MDM4: variants seen among roughly 807,000 people sequenced by gnomAD.
MDM4 encodes the protein MDM4 regulator of p53.
A neutral mutation model predicts 60.2 loss-of-function variants in MDM4; 2 were observed. The observed-to-expected ratio is 0.03, with a 90% CI of 0.01 to 0.10. The LOEUF is 0.10. MDM4 is among the 10% of genes least tolerant of loss of function. MDM4 has a pLI of 1.00. For synonymous variants in MDM4, 202 were observed against 198.1 expected, an observed-to-expected ratio of 1.02 and a Z score of -0.17; for missense variants, 447 against 577.5, an observed-to-expected ratio of 0.77 and a Z score of 2.32.
chr1:204,528,839 G>C, intron 3 of MDM4: 1 of 1,526,658 alleles, frequency 6.6e-7, no homozygotes, highest in South Asian at 1.1e-5. Flanking sequence ...CCACAGATGG[G>C]TTGGGTCATA....
In MDM4 at chr1:204,554,577, G is replaced by C. The variant is rs1663424163; in HGVS notation, c.*4895G>C. The C allele has an allele frequency of 4.4e-6, 1 of 226,196 alleles. No homozygotes were observed. The highest frequency in any genetic ancestry group is 2.2e-5 in the African/African-American group (1 of 44,962). The allele number at this position is 226,196 out of a possible 1,614,324, so 14.0% of individuals were successfully genotyped here. On this transcript the variant is annotated 3_prime_UTR_variant, in exon 11 of 11. Transcript: ENST00000367182. ...TTTGCACTGCCATAGGGAATGTTAAGGTTACTTGGCTGGAATTTATCAGAC... is the reference window on the plus strand; with the variant it reads ...TTTGCACTGCCATAGGGAATGTTAACGTTACTTGGCTGGAATTTATCAGAC...
At chr1:204,539,963 ATG>A (rs1553324702) in intron 7 of MDM4, among the ~76,000 whole-genome samples, 1 of 151,972 alleles carries the variant, frequency 6.6e-6, no homozygotes, top group Non-Finnish European at 1.5e-5. Flanking sequence ...TCTTCAGGCT[ATG>A]TGTACAAGGT....
rs989922267 is a variant in MDM4, at chr1:204,546,363, G to A, written c.823-434G>A. 2.6e-5 allele frequency among the ~76,000 whole-genome samples: 4 copies of A among 152,118 alleles called. No homozygotes were observed. The East Asian group carries it at 7.7e-4, about 29-fold the overall frequency. On this transcript the variant is annotated intron_variant, in intron 9 of 10. Coordinates refer to ENST00000367182, the MANE Select transcript of MDM4 (RefSeq NM_002393.5). ...ACTACAGGCGTGCACCACCACACCT[G>A]GCTAATTTTTTTTATTTTTTGCAGA...
rs1662461170 is a variant in MDM4 at position 204,544,586 on chromosome 1, A to C, written c.724A>C (p.Asn242His). ...TACTACAGATGACTTGTGGTTTTTGAATGAGTCAGTATCAGAGCAGTTAGG... is the reference window on the plus strand; with the variant it reads ...TACTACAGATGACTTGTGGTTTTTGCATGAGTCAGTATCAGAGCAGTTAGG... ...SDTTDDLWFLNESVSEQLGVG... is the reference protein window; with the variant it reads ...SDTTDDLWFLHESVSEQLGVG... The change falls in exon 9 of 11, where the codon AAT becomes CAT. Residue 242 changes from asparagine to histidine, a missense_variant. This residue lies in a region of MDM4 where 184 missense variants were observed against 179.3 expected (regional missense o/e 1.03). Transcript: ENST00000367182. 7 of 1,613,676 alleles carry C rather than the reference A, an allele frequency of 4.3e-6. No individual in the cohort carries two copies. The highest frequency in any genetic ancestry group is 5.9e-6 in the Non-Finnish European group (7 of 1,179,754).
chr1:204,542,749 G>A, intron 7 of MDM4, 35 bp from the exon 8 acceptor site: 1 of 1,519,350 alleles, frequency 6.6e-7, no homozygotes, highest in Non-Finnish European at 9.1e-7. Context: ...TACGTATTGT[G>A]CATAGTTATC....
chr1:204,530,349 A>G (rs546966734), intron 3 of MDM4, among the ~76,000 whole-genome samples: 23 of 152,326 alleles, frequency 1.5e-4, no homozygotes, highest in Non-Finnish European at 1.9e-4. Flanking sequence ...AATCCAGGCA[A>G]ATTACTTCTA....
At chr1:204,547,290 G>A (rs1367111538) in intron 10 of MDM4, among the ~76,000 whole-genome samples, 1 of 152,180 alleles carries the variant, frequency 6.6e-6, no homozygotes, top group Non-Finnish European at 1.5e-5. Context: ...TTCTTAAAAA[G>A]AAGCAAATGG....
chr1:204,526,305 GT>G, intron 2 of MDM4, 54 bp from the exon 3 acceptor site: 2 of 1,470,866 alleles, frequency 1.4e-6, no homozygotes, highest in Admixed American at 3.5e-5. Context: ...TTGTTCCATA[GT>G]TTCAGAAACC....
intron 2 of MDM4, among the ~76,000 whole-genome samples, chr1:204,525,986 G>C (rs570051367): frequency 3.3e-5 from 5 of 152,108 alleles, no homozygotes; most frequent in Non-Finnish European, 7.3e-5. Flanking sequence ...TGGGCGAGGT[G>C]GGTCATGCCT....
chr1:204,532,117 AT>A (rs1660913867), intron 4 of MDM4, 73 bp from the exon 5 acceptor site: 3 of 875,180 alleles, frequency 3.4e-6, no homozygotes, highest in Non-Finnish European at 3.8e-6. Context: ...TACATTTAAT[AT>A]TTAACGGCAA....
intron 1 of MDM4, among the ~76,000 whole-genome samples, chr1:204,522,631 T>C (rs532911919): frequency 1.9e-4 from 29 of 152,008 alleles, no homozygotes; most frequent in Non-Finnish European, 3.1e-4. Flanking sequence ...CTTGACCTCA[T>C]GATCTGCCTG....
At position 204,555,480 on chromosome 1, in the gene MDM4, G is replaced by A. The variant is rs1490199822; in HGVS notation, c.*5798G>A. 1 of 167,796 alleles carries A rather than the reference G, an allele frequency of 6.0e-6. No homozygotes were observed. Among genetic ancestry groups the A allele is most frequent in the Non-Finnish European group, 1.3e-5 (1 of 76,854 alleles). The allele number at this position is 167,796 out of a possible 1,614,324, so 10.4% of individuals were successfully genotyped here. On this transcript the variant is annotated 3_prime_UTR_variant, in exon 11 of 11. Coordinates refer to ENST00000367182, the MANE Select transcript of MDM4 (RefSeq NM_002393.5). ...AACTCTCCATTTCTTAAGGTAAAGA[G>A]GGTCAAGGATACCTAAAAAGGGTCA...
chr1:204,525,646 T>G (rs749964083), intron 2 of MDM4, 50 bp downstream of exon 2: 5 of 1,265,734 alleles, frequency 4.0e-6, no homozygotes, highest in Middle Eastern at 1.9e-4. Flanking sequence ...TTTTTTTAAT[T>G]TTTAAAAAGT....
chr1:204,554,055 T>G lies in MDM4; in HGVS notation c.*4373T>G, dbSNP rs1164097017. On this transcript the variant is annotated 3_prime_UTR_variant, in exon 11 of 11. Transcript: ENST00000367182. Reference sequence around the variant, plus strand: ...TATGTAGTGCATTGTGTGGTATTATTTGGTTTGTAAGAATTTATTTTTAAG... The same window carrying G: ...TATGTAGTGCATTGTGTGGTATTATGTGGTTTGTAAGAATTTATTTTTAAG... The G allele has an allele frequency of 1.8e-5, 4 of 227,728 alleles. No individual in the cohort carries two copies. The highest frequency in any genetic ancestry group is 1.3e-3 in the Middle Eastern group (1 of 752). The allele number at this position is 227,728 out of a possible 1,614,324, so 14.1% of individuals were successfully genotyped here.
At position 204,525,536 on chromosome 1, in the gene MDM4, C is replaced by G. The variant is rs752177145; in HGVS notation, c.18C>G (p.Thr6=). Residue 6 remains threonine, a synonymous_variant, in exon 2 of 11, where the codon ACC becomes ACG. Transcript: ENST00000367182. MTSFS[T]SAQCSTSDSA... is the part of the protein sequence containing the mutation. ...CTACCAAAATGACATCATTTTCCAC[C>G]TCTGCTCAGTGTTCAACATCTGACA... 4 of 1,611,924 alleles carry G rather than the reference C, an allele frequency of 2.5e-6. No homozygotes were observed. The East Asian group carries it at 6.7e-5, about 27-fold the overall frequency.
In MDM4 at chr1:204,556,055, G is replaced by T; in HGVS notation, c.*6373G>T. 4.6e-6 allele frequency: 1 copy of T among 217,410 alleles called. No homozygotes were observed. Among genetic ancestry groups the T allele is most frequent in the Non-Finnish European group, 9.2e-6 (1 of 108,386 alleles). 13.5% of individuals were successfully genotyped at this position (217,410 alleles called of 1,614,324 possible). A position where few individuals can be genotyped will look rare whatever the true frequency, so the allele number is the denominator to read the frequency against. Reference sequence around the variant, plus strand: ...AAACAGCATTTTAAAGTAACTTTTTGGGAGACTGATTTGAGTAATAATAAA... The same window carrying T: ...AAACAGCATTTTAAAGTAACTTTTTTGGAGACTGATTTGAGTAATAATAAA... On this transcript the variant is annotated 3_prime_UTR_variant, in exon 11 of 11. Coordinates refer to ENST00000367182, the MANE Select transcript of MDM4 (RefSeq NM_002393.5).
rs1338680956 is a variant in MDM4 at position 204,525,489 on chromosome 1, C to T, written c.-30C>T. 2 of 1,582,618 alleles carry T rather than the reference C, an allele frequency of 1.3e-6. No homozygotes were observed. The highest frequency in any genetic ancestry group is 1.7e-6 in the Non-Finnish European group (2 of 1,171,660). On this transcript the variant is annotated 5_prime_UTR_variant, in exon 2 of 11. Transcript: ENST00000367182. ...AAATTTTTTTTTCTATTTAGTTTTA[C>T]CAACAGACTGCAGTTTCTTCACTAC...
At chr1:204,524,817 G>A in intron 1 of MDM4, among the ~76,000 whole-genome samples, 1 of 152,172 alleles carries the variant, frequency 6.6e-6, no homozygotes, top group East Asian at 1.9e-4. Context: ...CTTCTCTGTA[G>A]CTTTTGTTTT....
chr1:204,528,829 C>G (rs1374660316), intron 3 of MDM4: 1 of 1,499,270 alleles, frequency 6.7e-7, no homozygotes, highest in East Asian at 2.3e-5. Context: ...ACTCCACTCT[C>G]CACAGATGGG....
Sources: allele counts gnomAD v4.1 joint callset (sites outside exome capture counted in the v4.1 genomes callset), GRCh38; gene constraint gnomAD v4.1.1; regional missense constraint gnomAD v4.1.1; transcripts MANE v1.5; gene names NCBI Gene and HGNC (gene_info 2026-07-23, HGNC 2026-07-21).